CXorf58: variants seen among roughly 807,000 people sequenced by gnomAD.
The protein encoded by CXorf58 is chromosome X open reading frame 58.
Under a neutral mutation model 26.0 loss-of-function variants are expected in CXorf58, and 24 were observed. That is an observed-to-expected ratio of 0.92 (90% CI 0.67 to 1.30). CXorf58 has a LOEUF of 1.30. Among genes scored for constraint, CXorf58 ranks in the 50% most tolerant of loss-of-function variants. The pLI, the probability that CXorf58 is intolerant of heterozygous loss-of-function variation, is 0.00. For synonymous variants in CXorf58, 87 were observed against 86.1 expected, an observed-to-expected ratio of 1.01 and a Z score of -0.06; for missense variants, 236 against 263.9, an observed-to-expected ratio of 0.89 and a Z score of 0.73.
At chrX:23,935,667 T>C (rs1348959761) in intron 7 of CXorf58, among the ~76,000 whole-genome samples, 1 of 111,412 alleles carries the variant, frequency 9.0e-6, no homozygotes, top group Non-Finnish European at 1.9e-5. Context: ...ACAGAAAATA[T>C]AAAAAAATGA....
At chrX:23,925,008 GA>G (rs778664746) in intron 5 of CXorf58, among the ~76,000 whole-genome samples, 1 of 109,971 alleles carries the variant, frequency 9.1e-6, no homozygotes, top group African/African-American at 3.3e-5. Flanking sequence ...TAGCATGCTG[GA>G]AAAAAAAGAA....
In CXorf58 at chrX:23,915,778, T is replaced by C. The variant is rs1927705334; in HGVS notation, c.295T>C (p.Cys99Arg). The C allele has an allele frequency of 1.7e-6, 2 of 1,150,957 alleles. No homozygotes were observed. Among genetic ancestry groups the C allele is most frequent in the Admixed American group, 2.2e-5 (1 of 44,898 alleles). 94.9% of individuals were successfully genotyped at this position (1,150,957 alleles called of 1,213,427 possible). ...AKLIKDPTMQ[C>R]KIRFRFRGET... ...GCTTATTAAGGATCCTACTATGCAG[T>C]GTAAAATTAGATTCAGGTAATGTAT... is the stretch of plus-strand genomic sequence containing the variant. Residue 99 changes from cysteine (C) to arginine (R), a missense_variant, in exon 4 of 9, where the codon TGT (cysteine) becomes CGT (arginine). Transcript: ENST00000379211.
intron 7 of CXorf58, among the ~76,000 whole-genome samples, chrX:23,937,276 A>C (rs1010415291): frequency 2.7e-5 from 3 of 111,655 alleles, no homozygotes; most frequent in African/African-American, 9.8e-5. Context: ...ACTCAGAATT[A>C]TCCCACAGGG....
rs1370878886 is a variant in CXorf58 at position 23,910,316 on chromosome X, C to T, written c.14C>T (p.Ser5Leu). The T allele has an allele frequency of 2.6e-6, 3 of 1,176,345 alleles. No individual in the cohort carries two copies. The highest frequency in any genetic ancestry group is 3.0e-5 in the East Asian group (1 of 33,390). The change falls in exon 2 of 9, where the codon TCA (serine) becomes TTA (leucine). Residue 5 changes from serine (S) to leucine (L), a missense_variant. Transcript: ENST00000379211. ...ATTGGAGGGAAAATGAATCGTTCCT[C>T]AAATGTACCACGTAAAGGTATTCTG... MNRS[S>L]NVPRKGILKS... is the part of the protein sequence containing the mutation.
intron 5 of CXorf58, among the ~76,000 whole-genome samples, chrX:23,926,648 T>C (rs1456370844): frequency 8.9e-6 from 1 of 112,215 alleles, no homozygotes; most frequent in Admixed American, 9.5e-5. Flanking sequence ...TAAAAGTCTT[T>C]TAAGGGGAAA....
At chrX:23,938,516 T>G in intron 7 of CXorf58, 31 bp from the exon 8 acceptor site, 1 of 1,061,490 alleles carries the variant, frequency 9.4e-7, no homozygotes, top group Non-Finnish European at 1.2e-6. Flanking sequence ...TTCTGTGTGA[T>G]TTTTCTGTTT....
chrX:23,936,713 G>A (rs922985041), intron 7 of CXorf58, among the ~76,000 whole-genome samples: 2 of 111,685 alleles, frequency 1.8e-5, no homozygotes, highest in South Asian at 7.5e-4. Flanking sequence ...ACATGCTGGG[G>A]ATTTTTTTTC....
chrX:23,912,016 A>G (rs1447255957), intron 3 of CXorf58, among the ~76,000 whole-genome samples, 160 bp downstream of exon 3: 1 of 107,270 alleles, frequency 9.3e-6, no homozygotes, highest in Non-Finnish European at 1.9e-5. Context: ...CAGTGGCACA[A>G]TCTTGGCTCA....
intron 2 of CXorf58, 115 bp from the exon 3 acceptor site, chrX:23,911,642 G>C: frequency 2.1e-6 from 1 of 474,048 alleles, no homozygotes; most frequent in Non-Finnish European, 3.6e-6. Flanking sequence ...CATTAGGTCA[G>C]TCTTAGAGTG....
At chrX:23,909,718 T>G (rs943700982) in intron 1 of CXorf58, among the ~76,000 whole-genome samples, 3 of 111,630 alleles carry the variant, frequency 2.7e-5, no homozygotes, top group African/African-American at 9.8e-5. Context: ...GCATCCAAAC[T>G]CGTTGCTTTA....
intron 6 of CXorf58, among the ~76,000 whole-genome samples, chrX:23,929,734 C>T (rs1928111194): frequency 8.9e-6 from 1 of 112,395 alleles, no homozygotes; most frequent in Admixed American, 9.4e-5. Flanking sequence ...ACAAAATGGC[C>T]TTATACTGTT....
chrX:23,920,085 A>G (rs1927825839), intron 5 of CXorf58, among the ~76,000 whole-genome samples: 1 of 112,417 alleles, frequency 8.9e-6, no homozygotes, highest in Non-Finnish European at 1.9e-5. Flanking sequence ...CACCACCACC[A>G]CTGGGACTGC....
chrX:23,916,615 C>T (rs1269880417), intron 5 of CXorf58: 2 of 170,356 alleles, frequency 1.2e-5, no homozygotes, highest in Non-Finnish European at 2.2e-5. Flanking sequence ...CTAGGCCAGG[C>T]GCAGTGACTC....
At chrX:23,912,491 G>A (rs746431713) in intron 3 of CXorf58, among the ~76,000 whole-genome samples, 12 of 110,651 alleles carry the variant, frequency 1.1e-4, no homozygotes, top group South Asian at 3.9e-4. Flanking sequence ...AGCATCTCAC[G>A]CCTGTAATCC....
rs765978575 is a variant in CXorf58 at position 23,921,018 on chromosome X, G to A, written c.423+4690G>A. On this transcript the variant is annotated intron_variant, in intron 5 of 8. Transcript: ENST00000379211. ...AAGTATATGTTTATCCTACTTGAAG[G>A]ATAAATTTATGCCACATTTATGTAT... Among the ~76,000 whole-genome samples the A allele has an allele frequency of 2.7e-5, 3 of 111,097 alleles. No homozygotes were observed. The South Asian group carries it at 1.1e-3, about 42-fold the overall frequency.
Position 23,927,314 on chromosome X carries a change from C to T in CXorf58, c.499C>T (p.Pro167Ser), listed in dbSNP as rs1010224065. Residue 167 changes from proline (P) to serine (S), a missense_variant, in exon 6 of 9, where the codon CCG (proline) becomes TCG (serine). By Grantham distance (74) the Pro-to-Ser change is moderately conservative. Coordinates refer to ENST00000379211, the MANE Select transcript of CXorf58 (RefSeq NM_152761.3). ...AATTATGGAAGATGAACGTATTTTC[C>T]CGAAGTCCAAAGTAACTGATATAAT... ...RIIMEDERIF[P>S]KSKVTDIMDV... The T allele has an allele frequency of 5.1e-6, 6 of 1,172,012 alleles. No individual in the cohort carries two copies. The highest frequency in any genetic ancestry group is 5.8e-6 in the Non-Finnish European group (5 of 868,121).
chrX:23,935,560 C>A, intron 7 of CXorf58, 135 bp downstream of exon 7: 1 of 474,710 alleles, frequency 2.1e-6, no homozygotes, highest in Non-Finnish European at 3.5e-6. Context: ...AAAACGTATG[C>A]AATTTTGTAA....
chrX:23,923,515 T>C (rs1927922246), intron 5 of CXorf58, among the ~76,000 whole-genome samples: 1 of 109,256 alleles, frequency 9.2e-6, no homozygotes, highest in Non-Finnish European at 1.9e-5. Flanking sequence ...GGCACGCACC[T>C]GTAGTCCCAG....
chrX:23,915,687 T>A lies in CXorf58; in HGVS notation c.217-13T>A. 9.2e-7 allele frequency: 1 copy of A among 1,081,682 alleles called. No individual in the cohort carries two copies. Among genetic ancestry groups the A allele is most frequent in the South Asian group, 1.9e-5 (1 of 52,972 alleles). The allele number at this position is 1,081,682 out of a possible 1,213,427, so 89.1% of individuals were successfully genotyped here. On this transcript the variant is annotated splice_polypyrimidine_tract_variant and intron_variant, in intron 3 of 8. Transcript: ENST00000379211. ...ATACTGCTTTCCTTTTACAGCACTG[T>A]CCTTTATTTCAGGAATTCTATGTAA... is the stretch of plus-strand genomic sequence containing the variant.
Sources: allele counts gnomAD v4.1 joint callset (sites outside exome capture counted in the v4.1 genomes callset), GRCh38; gene constraint gnomAD v4.1.1; transcripts MANE v1.5; gene names NCBI Gene and HGNC (gene_info 2026-07-23, HGNC 2026-07-21).